Variants in TCF25 observed in about 807,000 individuals in gnomAD.
TCF25 encodes the protein ribosome quality control complex subunit TCF25.
TCF25 carries 41 observed loss-of-function variants against 83.1 expected under a neutral mutation model. That is an observed-to-expected ratio of 0.49 (90% CI 0.38 to 0.64). The LOEUF is 0.64. TCF25 is among the 30% of genes least tolerant of loss of function. The pLI is 0.00. For missense variants in TCF25, 979 were observed against 914.5 expected (o/e 1.07, Z -0.91); for synonymous variants, 458 against 365.0 (o/e 1.25, Z -2.90).
intron 8 of TCF25, among the ~76,000 whole-genome samples, chr16:89,895,614 C>T (rs993838732): frequency 3.3e-5 from 5 of 152,248 alleles, no homozygotes; most frequent in Non-Finnish European, 7.3e-5. Context: ...GTGGACGGAC[C>T]ACATGTTGTG....
chr16:89,879,026 C>G (rs1463170194), intron 1 of TCF25, among the ~76,000 whole-genome samples: 2 of 152,228 alleles, frequency 1.3e-5, no homozygotes, highest in Non-Finnish European at 2.9e-5. Flanking sequence ...TGTGTCATCA[C>G]CAAAACTTCA....
intron 12 of TCF25, 28 bp from the exon 13 acceptor site, chr16:89,904,090 C>T (rs760473844): frequency 2.5e-6 from 4 of 1,591,878 alleles, no homozygotes; most frequent in Non-Finnish European, 8.5e-7. Flanking sequence ...TGCTGAGGGC[C>T]CCCACAGAGC....
At chr16:89,907,654 A>G (rs1318252802) in intron 16 of TCF25, among the ~76,000 whole-genome samples, 1 of 51,422 alleles carries the variant, frequency 1.9e-5, no homozygotes, top group Non-Finnish European at 3.7e-5. Flanking sequence ...CCCACCTCCC[A>G]GCTCCCAGCT....
At chr16:89,892,475 C>T (rs1418915938) in intron 6 of TCF25, among the ~76,000 whole-genome samples, 200 bp downstream of exon 6, 3 of 152,088 alleles carry the variant, frequency 2.0e-5, no homozygotes, top group South Asian at 2.1e-4. Context: ...GCTCCAGGAG[C>T]GCTCCAGGAG....
At chr16:89,894,388 A>AGCCCCAGACG (rs1567717139) in intron 7 of TCF25, among the ~76,000 whole-genome samples, 4 of 140,234 alleles carry the variant, frequency 2.9e-5, no homozygotes, top group African/African-American at 6.2e-5. Flanking sequence ...AGCCCCAGAC[A>AGCCCCAGACG]GCCCCCGGGC....
chr16:89,904,360 G>A, intron 13 of TCF25, 155 bp downstream of exon 13: 2 of 792,214 alleles, frequency 2.5e-6, no homozygotes, highest in Non-Finnish European at 4.1e-6. Flanking sequence ...ACATGGGACG[G>A]CTCTGGAGCC....
chr16:89,881,715 G>A (rs2042621744), intron 1 of TCF25, among the ~76,000 whole-genome samples: 1 of 151,540 alleles, frequency 6.6e-6, no homozygotes, highest in African/African-American at 2.4e-5. Context: ...AAAGCGCTGG[G>A]ATTATAGGCA....
rs371216711 is a variant in TCF25, at chr16:89,887,623, T to A, written c.549-29T>A. ...AATCGTCTTAGAACATAATTTCATG[T>A]TTTTTTTCTACAATTTTCAATTCCC... is the stretch of plus-strand genomic sequence containing the variant. On this transcript the variant is annotated intron_variant, in intron 4 of 17. Coordinates refer to ENST00000263346, the MANE Select transcript of TCF25 (RefSeq NM_014972.3). 386 of 1,563,570 alleles carry A rather than the reference T, an allele frequency of 2.5e-4. 1 individual carries two copies. In the Middle Eastern group the frequency reaches 9.1e-3, roughly 37 times the overall value.
intron 1 of TCF25, among the ~76,000 whole-genome samples, chr16:89,875,460 T>G (rs1016141651): frequency 3.3e-5 from 5 of 151,962 alleles, no homozygotes; most frequent in African/African-American, 9.7e-5. Context: ...CTTTTCTCAT[T>G]GTTACACATC....
rs139981645 is a variant in TCF25 at position 89,898,853 on chromosome 16, G to T, written c.1202G>T (p.Arg401Leu). 6.2e-7 allele frequency: 1 copy of T among 1,613,674 alleles called. No individual in the cohort carries two copies. Among genetic ancestry groups the T allele is most frequent in the Non-Finnish European group, 8.5e-7 (1 of 1,180,042 alleles). Residue 401 changes from arginine to leucine, a missense_variant, in exon 11 of 18, where the codon CGC (arginine) becomes CTC (leucine). Transcript: ENST00000263346. ...GCCCGGAACTACGAGTACCTGATCCGCCTCTTCCAGGAGTGGGAGGTGGGT... is the reference window on the plus strand; with the variant it reads ...GCCCGGAACTACGAGTACCTGATCCTCCTCTTCCAGGAGTGGGAGGTGGGT... ...LRARNYEYLI[R>L]LFQEWEAHRN...
chr16:89,904,012 G>A (rs2044567052), intron 12 of TCF25, 106 bp from the exon 13 acceptor site: 7 of 1,144,628 alleles, frequency 6.1e-6, no homozygotes, highest in East Asian at 2.6e-5. Flanking sequence ...CCTTAGAACA[G>A]CTGTGTCTGT....
At position 89,876,702 on chromosome 16, in the gene TCF25, G is replaced by A. The variant is rs891295204; in HGVS notation, c.192+2843G>A. Among the ~76,000 whole-genome samples the A allele has an allele frequency of 6.6e-5, 10 of 152,056 alleles. No homozygotes were observed. In the South Asian group the frequency reaches 8.3e-4, roughly 13 times the overall value. On this transcript the variant is annotated intron_variant, in intron 1 of 17. Coordinates refer to ENST00000263346, the MANE Select transcript of TCF25 (RefSeq NM_014972.3). ...AGCACTTTGGGAGGCCGACGTGGGC[G>A]GATCATGAGGTCAGGAGATCCAGAC...
At chr16:89,887,097 G>T (rs1178312984) in intron 4 of TCF25, among the ~76,000 whole-genome samples, 1 of 151,992 alleles carries the variant, frequency 6.6e-6, no homozygotes. Context: ...TCAGTGGTGT[G>T]ATCATAGCCC....
chr16:89,908,415 A>ACCTCCCTCCTCCCACCTCCCAACTCTCT (rs2045178823), intron 16 of TCF25, among the ~76,000 whole-genome samples: 2 of 86,862 alleles, frequency 2.3e-5, no homozygotes, highest in African/African-American at 1.0e-4. Flanking sequence ...CCCAGCTCCC[A>ACCTCCCTCCTCCCACCTCCCAACTCTCT]CCTCCCACCT....
chr16:89,907,675 A>C (rs1472439375), intron 16 of TCF25, among the ~76,000 whole-genome samples: 19 of 15,604 alleles, frequency 1.2e-3, no homozygotes, highest in South Asian at 3.2e-3. Context: ...CCCTCCTCCC[A>C]CCTCCCACCT....
intron 1 of TCF25, among the ~76,000 whole-genome samples, chr16:89,876,696 G>A (rs997119619): frequency 6.6e-6 from 1 of 152,214 alleles, no homozygotes; most frequent in East Asian, 1.9e-4. Context: ...GGAGGCCGAC[G>A]TGGGCGGATC....
intron 13 of TCF25, 151 bp from the exon 14 acceptor site, chr16:89,904,787 C>T: frequency 2.2e-6 from 2 of 924,226 alleles, no homozygotes; most frequent in East Asian, 2.6e-5. Context: ...CAGCCCCACG[C>T]CCTCAGGCCA....
chr16:89,895,533 T>C (rs2043781458), intron 8 of TCF25, among the ~76,000 whole-genome samples: 1 of 152,240 alleles, frequency 6.6e-6, no homozygotes, highest in Non-Finnish European at 1.5e-5. Flanking sequence ...AATGAAGTTT[T>C]CAAGGTTCAT....
chr16:89,878,279 C>CA (rs34906385), intron 1 of TCF25, among the ~76,000 whole-genome samples: 6,303 of 113,534 alleles, frequency 0.056, 445 homozygotes, highest in African/African-American at 0.17. Context: ...GACCCTGTCT[C>CA]AAAAAAAAAA....
Sources: allele counts gnomAD v4.1 joint callset (sites outside exome capture counted in the v4.1 genomes callset), GRCh38; gene constraint gnomAD v4.1.1; transcripts MANE v1.5; gene names NCBI Gene and HGNC (gene_info 2026-07-23, HGNC 2026-07-21).